Variants in CADPS observed in about 807,000 individuals in gnomAD.
The protein encoded by CADPS is calcium dependent secretion activator.
In CADPS, 57 loss-of-function variants were observed where a neutral mutation model predicts 167.3. That is an observed-to-expected ratio of 0.34 (90% CI 0.28 to 0.42). CADPS has a LOEUF of 0.42. Ranked by LOEUF, CADPS falls within the 20% of genes least tolerant of loss-of-function variation. The pLI is 1.00. For synonymous variants in CADPS, 676 were observed against 635.3 expected (o/e 1.06, Z -0.96); for missense variants, 1,414 against 1,738.1 (o/e 0.81, Z 3.32).
intron 3 of CADPS, among the ~76,000 whole-genome samples, chr3:62,715,147 G>A (rs1414300361): frequency 6.6e-6 from 1 of 152,154 alleles, no homozygotes; most frequent in Admixed American, 6.5e-5. Context: ...ATCTGAGGAT[G>A]GAAGAATGGG....
In CADPS at chr3:62,438,993, G is replaced by A. The variant is rs1432469530; in HGVS notation, c.3670-782C>T. 1 of 151,430 alleles carries A rather than the reference G, an allele frequency of 6.6e-6. No individual in the cohort carries two copies. Among genetic ancestry groups the A allele is most frequent in the African/African-American group, 2.4e-5 (1 of 41,114 alleles). The allele number at this position is 151,430 out of a possible 1,614,324, so 9.4% of individuals were successfully genotyped here. ...TCCTGCAGTTAGGAAATGACTTATTGTAGGGAAGTAAAAAAAAAAAGAAAC... is the reference window on the plus strand; with the variant it reads ...TCCTGCAGTTAGGAAATGACTTATTATAGGGAAGTAAAAAAAAAAAGAAAC... On this transcript the variant is annotated intron_variant, in intron 27 of 29. Coordinates refer to ENST00000383710, the MANE Select transcript of CADPS (RefSeq NM_003716.4). The surrounding 1 kb of genome is among the most constrained non-coding windows in gnomAD (Gnocchi z 4.7).
chr3:62,743,000 C>A (rs1346173034), intron 3 of CADPS, among the ~76,000 whole-genome samples: 2 of 152,060 alleles, frequency 1.3e-5, no homozygotes, highest in Admixed American at 1.3e-4. Context: ...GACATACATG[C>A]AGCCAACAAT....
At chr3:62,401,545 C>A (rs762053990) in intron 29 of CADPS, among the ~76,000 whole-genome samples, 28 of 152,238 alleles carry the variant, frequency 1.8e-4, no homozygotes, top group Non-Finnish European at 3.2e-4. Context: ...AGAAAGAAAG[C>A]CAATTATCCT....
At chr3:62,714,985 G>A (rs2084156424) in intron 3 of CADPS, among the ~76,000 whole-genome samples, 1 of 152,182 alleles carries the variant, frequency 6.6e-6, no homozygotes, top group South Asian at 2.1e-4. Context: ...TTTGATAGCA[G>A]ATGATAAGAA....
chr3:62,731,430 G>T (rs2077771763), intron 3 of CADPS, among the ~76,000 whole-genome samples: 1 of 152,142 alleles, frequency 6.6e-6, no homozygotes, highest in African/African-American at 2.4e-5. Context: ...CTCAAATTCA[G>T]TATCATGTGT....
chr3:62,628,844 C>T (rs943077164), intron 6 of CADPS, among the ~76,000 whole-genome samples: 5 of 152,100 alleles, frequency 3.3e-5, no homozygotes, highest in African/African-American at 9.7e-5. Context: ...TCAGTATTGT[C>T]TTGATCTCTT....
chr3:62,746,188 T>C (rs780022342), intron 3 of CADPS, among the ~76,000 whole-genome samples: 4 of 152,204 alleles, frequency 2.6e-5, no homozygotes, highest in Non-Finnish European at 4.4e-5. Context: ...ATCAATAGTG[T>C]ATAACTTCTA....
chr3:62,693,276 C>T (rs1392062467), intron 3 of CADPS, among the ~76,000 whole-genome samples: 1 of 151,956 alleles, frequency 6.6e-6, no homozygotes, highest in African/African-American at 2.4e-5. Flanking sequence ...TTCTGATGAG[C>T]CACGATTATT....
intron 26 of CADPS, among the ~76,000 whole-genome samples, chr3:62,459,772 C>T (rs1343362337): frequency 1.3e-5 from 2 of 152,134 alleles, no homozygotes; most frequent in Non-Finnish European, 2.9e-5. Context: ...ATTGCTAACC[C>T]CCCCAGTGTC....
intron 6 of CADPS, among the ~76,000 whole-genome samples, chr3:62,621,369 T>G (rs1222774908): frequency 6.6e-6 from 1 of 152,088 alleles, no homozygotes; most frequent in African/African-American, 2.4e-5. Context: ...GGAATGGGAA[T>G]GTTTAGTGGG....
At chr3:62,841,360 G>C (rs1264943814) in intron 1 of CADPS, among the ~76,000 whole-genome samples, 1 of 152,186 alleles carries the variant, frequency 6.6e-6, no homozygotes, top group East Asian at 1.9e-4. Context: ...TCCCCTTAGA[G>C]AGGGAAAAAT....
At chr3:62,811,272 C>T (rs1405724369) in intron 1 of CADPS, among the ~76,000 whole-genome samples, 1 of 152,040 alleles carries the variant, frequency 6.6e-6, no homozygotes, top group African/African-American at 2.4e-5. Context: ...TCCACCCACT[C>T]CTCCTACCAG....
rs139911168 is a variant in CADPS, at chr3:62,738,295, A to C, written c.888+15146T>G. Among the ~76,000 whole-genome samples, 230 of 152,330 alleles carry C rather than the reference A, an allele frequency of 1.5e-3. 1 individual carries two copies. The highest frequency in any genetic ancestry group is 5.3e-3 in the African/African-American group (221 of 41,580). ...CTTGATGACAAAAGGATCAGAGAGA[A>C]AATATGTTCTTTCCTCTGAAAGATA... is the stretch of plus-strand genomic sequence containing the variant. On this transcript the variant is annotated intron_variant, in intron 3 of 29. Coordinates refer to ENST00000383710, the MANE Select transcript of CADPS (RefSeq NM_003716.4).
rs564547034 is a variant in CADPS, at chr3:62,747,457, G to C, written c.888+5984C>G. Among the ~76,000 whole-genome samples the C allele has an allele frequency of 2.0e-3, 304 of 152,274 alleles. 2 individuals are homozygous for C. Among genetic ancestry groups the C allele is most frequent in the African/African-American group, 6.2e-3 (258 of 41,552 alleles). On this transcript the variant is annotated intron_variant, in intron 3 of 29. Coordinates refer to ENST00000383710, the MANE Select transcript of CADPS (RefSeq NM_003716.4). Reference sequence around the variant, plus strand: ...CCAGCAATCTGGGTCACAGCTGAAGGCCTGATAATTTGAGGTTTCTCTTCA... The same window carrying C: ...CCAGCAATCTGGGTCACAGCTGAAGCCCTGATAATTTGAGGTTTCTCTTCA...
intron 6 of CADPS, among the ~76,000 whole-genome samples, chr3:62,642,314 G>C (rs946436505): frequency 1.3e-5 from 2 of 152,166 alleles, no homozygotes; most frequent in Non-Finnish European, 2.9e-5. Flanking sequence ...TCAAAGACAA[G>C]ATTCAGAAGA....
intron 13 of CADPS, among the ~76,000 whole-genome samples, chr3:62,522,151 A>ATCT (rs61393495): frequency 3.7e-4 from 56 of 150,784 alleles, no homozygotes; most frequent in African/African-American, 1.0e-3. Flanking sequence ...CTATCTATCT[A>ATCT]ACTATTGAGA....
chr3:62,549,645 C>T (rs968112029), intron 11 of CADPS, among the ~76,000 whole-genome samples: 8 of 152,046 alleles, frequency 5.3e-5, no homozygotes, highest in African/African-American at 1.9e-4. Flanking sequence ...ATTCTGTACT[C>T]TCACCAAAAC....
intron 3 of CADPS, among the ~76,000 whole-genome samples, chr3:62,694,145 G>A (rs1303124851): frequency 3.9e-5 from 6 of 152,062 alleles, no homozygotes; most frequent in African/African-American, 1.4e-4. Flanking sequence ...GCCTAGCTAA[G>A]GCCACTGCTG....
intron 3 of CADPS, among the ~76,000 whole-genome samples, chr3:62,692,201 A>G (rs1484004800): frequency 6.6e-6 from 1 of 151,926 alleles, no homozygotes; most frequent in African/African-American, 2.4e-5. Flanking sequence ...ATATAGATAT[A>G]TATAGCTACC....
Sources: allele counts gnomAD v4.1 joint callset (sites outside exome capture counted in the v4.1 genomes callset), GRCh38; gene constraint gnomAD v4.1.1; non-coding constraint Gnocchi (gnomAD v3.1); transcripts MANE v1.5; gene names NCBI Gene and HGNC (gene_info 2026-07-23, HGNC 2026-07-21).